LRBA: variants seen among roughly 807,000 people sequenced by gnomAD.
LRBA encodes the protein LPS responsive beige-like anchor protein.
In LRBA, 176 loss-of-function variants were observed where a neutral mutation model predicts 330.0. That is an observed-to-expected ratio of 0.53 (90% CI 0.47 to 0.60). LRBA has a LOEUF of 0.60. Ranked by LOEUF, LRBA falls within the 20% of genes least tolerant of loss-of-function variation. The pLI, the probability that LRBA is intolerant of heterozygous loss-of-function variation, is 0.00. For synonymous variants in LRBA, 1,230 were observed against 1,193.0 expected (o/e 1.03, Z -0.64); for missense variants, 3,259 against 3,444.8 (o/e 0.95, Z 1.35).
At chr4:150,479,609 C>G (rs939903470) in intron 42 of LRBA, among the ~76,000 whole-genome samples, 1 of 152,108 alleles carries the variant, frequency 6.6e-6, no homozygotes, top group Non-Finnish European at 1.5e-5. Flanking sequence ...AATACATCCT[C>G]GAGAGGTGGA....
chr4:150,322,505 C>T (rs887965438), intron 49 of LRBA, among the ~76,000 whole-genome samples: 3 of 152,088 alleles, frequency 2.0e-5, no homozygotes, highest in Non-Finnish European at 4.4e-5. Flanking sequence ...TTTCAAAACA[C>T]CAGGTAATAT....
At chr4:150,467,846 T>C (rs1755629136) in intron 43 of LRBA, 61 bp from the exon 44 acceptor site, 2 of 721,548 alleles carry the variant, frequency 2.8e-6, no homozygotes, top group South Asian at 4.1e-5. Context: ...ACAGATTCAG[T>C]AATATAATTT....
intron 30 of LRBA, among the ~76,000 whole-genome samples, chr4:150,820,287 C>A (rs915737097): frequency 2.6e-5 from 4 of 151,938 alleles, no homozygotes; most frequent in African/African-American, 9.7e-5. Context: ...TGAACCGTTT[C>A]CCCATGTTGA....
intron 40 of LRBA, among the ~76,000 whole-genome samples, chr4:150,554,595 A>C (rs1767049434): frequency 6.6e-6 from 1 of 152,162 alleles, no homozygotes; most frequent in African/African-American, 2.4e-5. Flanking sequence ...ATAAAGAATC[A>C]ATCACAACTA....
chr4:150,736,372 A>T (rs906794221), intron 35 of LRBA, among the ~76,000 whole-genome samples: 4 of 152,196 alleles, frequency 2.6e-5, no homozygotes, highest in Non-Finnish European at 4.4e-5. Flanking sequence ...GGACATTGAA[A>T]TAAATATAGT....
chr4:150,456,945 G>A (rs1350718039), intron 44 of LRBA, among the ~76,000 whole-genome samples: 1 of 151,998 alleles, frequency 6.6e-6, no homozygotes, highest in Non-Finnish European at 1.5e-5. Flanking sequence ...CCCAGTGTAC[G>A]TTCTTGGCAC....
intron 48 of LRBA, among the ~76,000 whole-genome samples, chr4:150,345,331 C>T (rs898811884): frequency 6.6e-6 from 1 of 152,108 alleles, no homozygotes; most frequent in African/African-American, 2.4e-5. Context: ...AAATTAATGA[C>T]CTATTCATGT....
At chr4:150,850,143 G>A (rs189312211) in intron 24 of LRBA, among the ~76,000 whole-genome samples, 2,469 of 151,236 alleles carry the variant, frequency 0.016, 30 homozygotes, top group Non-Finnish European at 0.025. Context: ...GCCCAGGCCG[G>A]AGTGCAGTGG....
intron 47 of LRBA, among the ~76,000 whole-genome samples, chr4:150,406,866 C>T (rs971388719): frequency 2.0e-5 from 3 of 152,140 alleles, no homozygotes; most frequent in African/African-American, 4.8e-5. Context: ...CTGCAACCTC[C>T]ACCTCCCAGG....
chr4:150,654,832 T>C (rs1439768300), intron 37 of LRBA, among the ~76,000 whole-genome samples: 1 of 152,116 alleles, frequency 6.6e-6, no homozygotes, highest in Non-Finnish European at 1.5e-5. Flanking sequence ...CTGAGAATGA[T>C]GGTTTCCAGC....
At chr4:150,571,609 G>A (rs1184924706) in intron 40 of LRBA, among the ~76,000 whole-genome samples, 1 of 142,746 alleles carries the variant, frequency 7.0e-6, no homozygotes, top group African/African-American at 2.5e-5. Flanking sequence ...AAATACTTAA[G>A]CATTCATACC....
intron 37 of LRBA, among the ~76,000 whole-genome samples, chr4:150,672,381 T>C (rs1288677391): frequency 6.6e-6 from 1 of 151,896 alleles, no homozygotes; most frequent in Non-Finnish European, 1.5e-5. Flanking sequence ...TACTCTCTGT[T>C]GACAGTGAAC....
chr4:150,534,712 AAT>A (rs1764455809), intron 40 of LRBA, among the ~76,000 whole-genome samples: 1 of 152,202 alleles, frequency 6.6e-6, no homozygotes, highest in Admixed American at 6.5e-5. Flanking sequence ...ATTAACATTT[AAT>A]ATTATTTAGC....
At chr4:150,805,285 G>GGAAAGGA (rs1742450012) in intron 33 of LRBA, among the ~76,000 whole-genome samples, 2 of 39,210 alleles carry the variant, frequency 5.1e-5, no homozygotes, top group South Asian at 1.1e-3. Context: ...AAGGAAAGGA[G>GGAAAGGA]AAGGAAAGGA....
At chr4:150,518,496 T>C (rs972521772) in intron 40 of LRBA, among the ~76,000 whole-genome samples, 2 of 152,202 alleles carry the variant, frequency 1.3e-5, no homozygotes, top group Non-Finnish European at 2.9e-5. Context: ...AGTCAACTTA[T>C]CTTTCTTTCC....
chr4:150,679,047 C>CT (rs763157912), intron 37 of LRBA, among the ~76,000 whole-genome samples: 9 of 151,826 alleles, frequency 5.9e-5, no homozygotes, highest in Non-Finnish European at 1.0e-4. Context: ...ACATGATATA[C>CT]TTCTTTTGGA....
At chr4:150,661,458 A>G (rs1019703054) in intron 37 of LRBA, among the ~76,000 whole-genome samples, 7 of 145,102 alleles carry the variant, frequency 4.8e-5, no homozygotes, top group Non-Finnish European at 3.0e-5. Context: ...CAACACAGCG[A>G]GACTCTGTCT....
intron 40 of LRBA, among the ~76,000 whole-genome samples, chr4:150,524,819 A>G (rs1174886237): frequency 1.3e-5 from 2 of 152,192 alleles, no homozygotes; most frequent in African/African-American, 2.4e-5. Context: ...AGGTTTTCTC[A>G]TAAATTACTA....
chr4:150,729,592 A>G (rs1207123641), intron 36 of LRBA, among the ~76,000 whole-genome samples: 1 of 152,210 alleles, frequency 6.6e-6, no homozygotes, highest in African/African-American at 2.4e-5. Flanking sequence ...TACAGATTCA[A>G]TGCAATCTCT....
Sources: allele counts gnomAD v4.1 joint callset (sites outside exome capture counted in the v4.1 genomes callset), GRCh38; gene constraint gnomAD v4.1.1; transcripts MANE v1.5; gene names NCBI Gene and HGNC (gene_info 2026-07-23, HGNC 2026-07-21).